The following CHD7 variants were observed in gnomAD, a reference collection of about 807,000 sequenced individuals.
The protein encoded by CHD7 is ATP-dependent chromatin remodeler CHD7.
Under a neutral mutation model 307.3 loss-of-function variants are expected in CHD7, and 24 were observed. The observed-to-expected ratio is 0.08, with a 90% CI of 0.06 to 0.11. The LOEUF (loss-of-function observed/expected upper bound fraction) is 0.11. Among genes scored for constraint, CHD7 ranks in the 10% least tolerant of loss-of-function variants. CHD7 has a pLI of 1.00. For missense variants in CHD7, 3,106 were observed against 3,727.1 expected, an observed-to-expected ratio of 0.83 and a Z score of 4.34; for synonymous variants, 1,363 against 1,349.9, an observed-to-expected ratio of 1.01 and a Z score of -0.21.
At position 60,866,040 on chromosome 8, in the gene CHD7, C is replaced by T; in HGVS notation, c.*107C>T. ...CCTAGTTTTATAAGCTGTTCTGTAA[C>T]ATAGTGTAGCAAAAAAAAAAGTTCA... On this transcript the variant is annotated 3_prime_UTR_variant, in exon 38 of 38. Coordinates refer to ENST00000423902, the MANE Select transcript of CHD7 (RefSeq NM_017780.4). 9.8e-7 allele frequency: 1 copy of T among 1,019,430 alleles called. No homozygotes were observed. 63.1% of individuals were successfully genotyped at this position (1,019,430 alleles called of 1,614,324 possible). A position where few individuals can be genotyped will look rare whatever the true frequency, so the allele number is the denominator to read the frequency against.
At chr8:60,792,985 T>G (rs1475088856) in intron 3 of CHD7, among the ~76,000 whole-genome samples, 1 of 152,200 alleles carries the variant, frequency 6.6e-6, no homozygotes, top group Non-Finnish European at 1.5e-5. Flanking sequence ...GAAAGCTGAT[T>G]GAGGGAAGCA....
chr8:60,728,399 C>G (rs899877464), intron 1 of CHD7, among the ~76,000 whole-genome samples: 3 of 152,180 alleles, frequency 2.0e-5, no homozygotes, highest in African/African-American at 7.2e-5. Flanking sequence ...TTGACTCTTC[C>G]ATGTTTTTGT....
At chr8:60,689,578 T>C (rs993327161) in intron 1 of CHD7, among the ~76,000 whole-genome samples, 7 of 152,206 alleles carry the variant, frequency 4.6e-5, no homozygotes, top group African/African-American at 1.7e-4. Context: ...GATAGTCCCA[T>C]CAAAATAACC....
At chr8:60,727,289 G>A (rs1012846214) in intron 1 of CHD7, among the ~76,000 whole-genome samples, 1 of 151,894 alleles carries the variant, frequency 6.6e-6, no homozygotes, top group African/African-American at 2.4e-5. Context: ...ACCCCTGCCC[G>A]GCTAATTTTT....
intron 1 of CHD7, among the ~76,000 whole-genome samples, chr8:60,714,292 G>A (rs1271772569): frequency 6.6e-6 from 1 of 151,788 alleles, no homozygotes; most frequent in Non-Finnish European, 1.5e-5. Context: ...CCACCCACTC[G>A]GGGCGCTCGC....
intron 1 of CHD7, among the ~76,000 whole-genome samples, chr8:60,722,012 A>G (rs1380792125): frequency 2.6e-5 from 4 of 152,252 alleles, no homozygotes; most frequent in African/African-American, 7.2e-5. Flanking sequence ...GAGAAGGACA[A>G]ATGAAATGCT....
chr8:60,710,502 T>C (rs1231790953), intron 1 of CHD7, among the ~76,000 whole-genome samples: 1 of 152,228 alleles, frequency 6.6e-6, no homozygotes, highest in East Asian at 1.9e-4. Flanking sequence ...GTGCAATTGA[T>C]TTCAGGATTC....
Position 60,852,839 on chromosome 8 carries a change from C to T in CHD7, c.6114C>T (p.Asp2038=). 2 of 1,612,122 alleles carry T rather than the reference C, an allele frequency of 1.2e-6. No homozygotes were observed. The highest frequency in any genetic ancestry group is 1.7e-6 in the Non-Finnish European group (2 of 1,178,434). ...MPVKPDDEPP[D]LSSIIEPITE... is the part of the protein sequence containing the mutation. Reference sequence around the variant, plus strand: ...CCTTCTGTGTTACAGAACCGCCCGACCTCTCCTCCATAATTGAGCCGATCA... The same window carrying T: ...CCTTCTGTGTTACAGAACCGCCCGATCTCTCCTCCATAATTGAGCCGATCA... Residue 2038 remains aspartate (D), a synonymous_variant, in exon 31 of 38, where the codon GAC becomes GAT. Coordinates refer to ENST00000423902, the MANE Select transcript of CHD7 (RefSeq NM_017780.4).
intron 23 of CHD7, 98 bp downstream of exon 23, chr8:60,845,507 G>A (rs1805167341): frequency 2.2e-6 from 3 of 1,365,810 alleles, no homozygotes; most frequent in Non-Finnish European, 3.0e-6. Context: ...TGCAGAACTC[G>A]CAGATTTGGA....
At chr8:60,699,004 C>G (rs1806628201) in intron 1 of CHD7, among the ~76,000 whole-genome samples, 1 of 152,134 alleles carries the variant, frequency 6.6e-6, no homozygotes, top group Non-Finnish European at 1.5e-5. Flanking sequence ...GGTGATCCTC[C>G]CAAAGAGGTG....
intron 1 of CHD7, among the ~76,000 whole-genome samples, chr8:60,689,603 A>G (rs970478068): frequency 2.0e-5 from 3 of 152,216 alleles, no homozygotes; most frequent in African/African-American, 7.2e-5. Context: ...TCTTAGAAGG[A>G]TAGGAACAAC....
rs1806184838 is a variant in CHD7, at chr8:60,865,236, C to T, written c.8297C>T (p.Ser2766Leu). 6.2e-7 allele frequency: 1 copy of T among 1,608,216 alleles called. No homozygotes were observed. The highest frequency in any genetic ancestry group is 8.5e-7 in the Non-Finnish European group (1 of 1,177,352). The stretch of plus-strand genomic sequence containing the variant: ...CTTCAGAATCTCCAGAATCTCCAGT[C>T]GCTCCAGCTGGCAGGCCTCATGGGC... ...TSLQNLQNLQ[S>L]LQLAGLMGFP... The change falls in exon 38 of 38, where the codon TCG becomes TTG. Residue 2766 changes from serine (S) to leucine (L), a missense_variant. Around this residue, in one of 10 missense-constraint regions of CHD7, gnomAD observed 351 missense variants for 366.2 expected, o/e 0.96. Transcript: ENST00000423902. This position sits in a 1 kb window ranked among gnomAD's most constrained non-coding sequence, Gnocchi z 4.3.
chr8:60,821,291 T>G (rs1403328953), intron 9 of CHD7, among the ~76,000 whole-genome samples: 1 of 152,220 alleles, frequency 6.6e-6, no homozygotes. Context: ...GCTAGCTATT[T>G]CTTTATACTT....
chr8:60,848,631 A>C (rs1055331340), intron 24 of CHD7, 27 bp downstream of exon 24: 28 of 1,555,022 alleles, frequency 1.8e-5, no homozygotes, highest in Non-Finnish European at 2.4e-5. Context: ...ATTTGTTCTC[A>C]ACCTCAGTGA....
rs201653177 is a variant in CHD7 at position 60,742,620 on chromosome 8, G to T, written c.1188G>T (p.Met396Ile). The change falls in exon 2 of 38, where the codon ATG becomes ATT. Residue 396 changes from methionine (M) to isoleucine (I), a missense_variant. By Grantham distance (10) the Met-to-Ile change is conservative (BLOSUM62 1). Around this residue, in one of 10 missense-constraint regions of CHD7, gnomAD observed 998 missense variants for 1,004.5 expected, o/e 0.99. Transcript: ENST00000423902. Reference sequence around the variant, plus strand: ...GAACTTATGCCTCTCCACCTCCCATGTCACCCATGAAAGCAATGAGTAATC... The same window carrying T: ...GAACTTATGCCTCTCCACCTCCCATTTCACCCATGAAAGCAATGAGTAATC... ...PQGTYASPPP[M>I]SPMKAMSNPA... The T allele has an allele frequency of 2.3e-4, 375 of 1,612,636 alleles. 2 individuals are homozygous for T. The Middle Eastern group carries it at 3.8e-3, about 16-fold the overall frequency.
intron 28 of CHD7, 71 bp downstream of exon 28, chr8:60,851,390 C>G: frequency 8.6e-7 from 1 of 1,156,430 alleles, no homozygotes; most frequent in South Asian, 1.3e-5. Flanking sequence ...GTGGTAGGGA[C>G]TGTCCTGCTT....
intron 1 of CHD7, among the ~76,000 whole-genome samples, chr8:60,712,210 T>A (rs1226138025): frequency 6.6e-6 from 1 of 152,234 alleles, no homozygotes; most frequent in Non-Finnish European, 1.5e-5. Flanking sequence ...GGACAGTTTT[T>A]AAAAAATAAT....
chr8:60,766,094 A>G (rs1810458006), intron 2 of CHD7, among the ~76,000 whole-genome samples: 1 of 152,244 alleles, frequency 6.6e-6, no homozygotes, highest in Admixed American at 6.5e-5. Context: ...TTCACCTAGA[A>G]CTAACAGTTG....
At chr8:60,802,947 AT>A in intron 6 of CHD7, among the ~76,000 whole-genome samples, 1 of 152,374 alleles carries the variant, frequency 6.6e-6, no homozygotes, top group African/African-American at 2.4e-5. Flanking sequence ...TTAGAGCAGT[AT>A]GTCAAGGTGT....
Sources: allele counts gnomAD v4.1 joint callset (sites outside exome capture counted in the v4.1 genomes callset), GRCh38; gene constraint gnomAD v4.1.1; regional missense constraint gnomAD v4.1.1; non-coding constraint Gnocchi (gnomAD v3.1); transcripts MANE v1.5; gene names NCBI Gene and HGNC (gene_info 2026-07-23, HGNC 2026-07-21).